The following CDH4 variants were observed in gnomAD, a reference collection of about 807,000 sequenced individuals.
The protein encoded by CDH4 is cadherin 4, also known as cadherin-4.
A neutral mutation model predicts 86.0 loss-of-function variants in CDH4; 33 were observed. That is an observed-to-expected ratio of 0.38 (90% confidence interval 0.29 to 0.51). CDH4 has a LOEUF of 0.51. Ranked by LOEUF, CDH4 falls within the 20% of genes least tolerant of loss-of-function variation. The pLI, the probability that CDH4 is intolerant of heterozygous loss-of-function variation, is 0.86. For synonymous variants in CDH4, 555 were observed against 549.4 expected (o/e 1.01, Z -0.14); for missense variants, 1,114 against 1,307.4 (o/e 0.85, Z 2.28).
At chr20:61,275,776 G>C (rs947125432) in intron 2 of CDH4, among the ~76,000 whole-genome samples, 3 of 152,060 alleles carry the variant, frequency 2.0e-5, no homozygotes, top group African/African-American at 7.3e-5. Context: ...GTGCTTTTCT[G>C]AAGGATCCTG....
intron 3 of CDH4, among the ~76,000 whole-genome samples, chr20:61,764,446 G>T (rs968621217): frequency 6.6e-6 from 1 of 152,150 alleles, no homozygotes; most frequent in Admixed American, 6.5e-5. Context: ...GAGGATGCCT[G>T]TATTTGAGAT....
chr20:61,773,135 A>G lies in CDH4; in HGVS notation c.529A>G (p.Asn177Asp). The G allele has an allele frequency of 6.2e-7, 1 of 1,606,050 alleles. No homozygotes were observed. Among genetic ancestry groups the G allele is most frequent in the Non-Finnish European group, 8.5e-7 (1 of 1,176,662 alleles). The change falls in exon 4 of 16, where the codon AAC becomes GAC. Residue 177 changes from asparagine (N) to aspartate (D), a missense_variant. Transcript: ENST00000614565. ...ACGGGACTGGGTCATCCCGCCCATCAACGTGCCCGAGAACTCGCGCGGGCC... is the reference window on the plus strand; with the variant it reads ...ACGGGACTGGGTCATCCCGCCCATCGACGTGCCCGAGAACTCGCGCGGGCC... Reference protein sequence around the residue: ...RKRDWVIPPINVPENSRGPFP... With the variant: ...RKRDWVIPPIDVPENSRGPFP...
At chr20:61,451,129 C>CCCGT (rs1555851644) in intron 2 of CDH4, among the ~76,000 whole-genome samples, 1 of 149,646 alleles carries the variant, frequency 6.7e-6, no homozygotes, top group African/African-American at 2.5e-5. Flanking sequence ...CACGCCCCCC[C>CCCGT]CCTTCCCTCC....
intron 4 of CDH4, among the ~76,000 whole-genome samples, chr20:61,799,530 A>G (rs982707610): frequency 3.3e-5 from 5 of 152,098 alleles, no homozygotes; most frequent in African/African-American, 4.8e-5. Context: ...GGTTGGCATC[A>G]CCCTTTGTGG....
At chr20:61,495,429 C>A (rs945483956) in intron 2 of CDH4, among the ~76,000 whole-genome samples, 2 of 152,142 alleles carry the variant, frequency 1.3e-5, no homozygotes, top group Non-Finnish European at 2.9e-5. Context: ...CCTGAGAGGT[C>A]GCCCAAGGCT....
chr20:61,568,958 T>TCGCTCAAGA (rs140519343), intron 2 of CDH4, among the ~76,000 whole-genome samples: 25,653 of 152,016 alleles, frequency 0.17, 2,750 homozygotes, highest in African/African-American at 0.31. Flanking sequence ...CAGTAGGTCC[T>TCGCTCAAGA]CGCTCAAGAC....
Position 61,392,096 on chromosome 20 carries a change from C to T in CDH4, c.169+137159C>T. On this transcript the variant is annotated intron_variant, in intron 2 of 15. Transcript: ENST00000614565. The surrounding 1 kb of genome is among the most constrained non-coding windows in gnomAD (Gnocchi z 5.7). ...CATCGCGGGGGCTGTGGAGAAAGGC[C>T]TAGAGAGCTTTGCAGGACCAAGTGG... 6.6e-6 allele frequency among the ~76,000 whole-genome samples: 1 copy of T among 151,932 alleles called. No individual in the cohort carries two copies. The highest frequency in any genetic ancestry group is 1.9e-4 in the East Asian group (1 of 5,172).
At chr20:61,644,667 A>T (rs1462257940) in intron 2 of CDH4, among the ~76,000 whole-genome samples, 1 of 152,206 alleles carries the variant, frequency 6.6e-6, no homozygotes, top group Non-Finnish European at 1.5e-5. Context: ...GGGCAAAGCC[A>T]GGGCCAGAGG....
intron 2 of CDH4, among the ~76,000 whole-genome samples, chr20:61,353,663 TC>T (rs2084728002): frequency 2.3e-5 from 2 of 85,512 alleles, no homozygotes; most frequent in Non-Finnish European, 4.6e-5. Flanking sequence ...CTCTTCTTCC[TC>T]CTCTTCCCCC....
chr20:61,570,066 T>G (rs1297668326), intron 2 of CDH4: 1 of 152,510 alleles, frequency 6.6e-6, no homozygotes, highest in African/African-American at 2.4e-5. Context: ...TATGGCGCCG[T>G]TACGCATGGG....
intron 2 of CDH4, among the ~76,000 whole-genome samples, chr20:61,533,287 C>T (rs977837917): frequency 2.0e-5 from 3 of 152,120 alleles, no homozygotes; most frequent in South Asian, 2.1e-4. Flanking sequence ...GCACGGCAGG[C>T]GGCTGGGCGA....
At chr20:61,527,530 A>C (rs576359090) in intron 2 of CDH4, among the ~76,000 whole-genome samples, 1 of 152,328 alleles carries the variant, frequency 6.6e-6, no homozygotes, top group South Asian at 2.1e-4. Flanking sequence ...GATTACAGAC[A>C]TGAGCCACCG....
At chr20:61,337,056 G>A (rs1410088184) in intron 2 of CDH4, among the ~76,000 whole-genome samples, 1 of 152,052 alleles carries the variant, frequency 6.6e-6, no homozygotes, top group African/African-American at 2.4e-5. Flanking sequence ...ACAGGCCTGG[G>A]TTGGAATCCT....
chr20:61,414,904 G>A (rs2085138385), intron 2 of CDH4, among the ~76,000 whole-genome samples: 1 of 152,334 alleles, frequency 6.6e-6, no homozygotes, highest in Admixed American at 6.5e-5. Flanking sequence ...GTGCCCAGGA[G>A]GAGCTGCCCC....
intron 2 of CDH4, among the ~76,000 whole-genome samples, chr20:61,633,134 G>GCATCCTC: frequency 7.1e-6 from 1 of 140,546 alleles, no homozygotes; most frequent in Non-Finnish European, 1.5e-5. Context: ...ACCCATTCAT[G>GCATCCTC]CATCCTCCCA....
At chr20:61,705,955 GCTTC>G (rs1480189425) in intron 2 of CDH4, among the ~76,000 whole-genome samples, 1 of 152,188 alleles carries the variant, frequency 6.6e-6, no homozygotes, top group East Asian at 1.9e-4. Context: ...ATTCCACGCC[GCTTC>G]CTTCTCTTAA....
At chr20:61,820,888 A>T (rs1980986612) in intron 4 of CDH4, among the ~76,000 whole-genome samples, 1 of 152,150 alleles carries the variant, frequency 6.6e-6, no homozygotes. Context: ...ACCTGGGGAA[A>T]TATGACATGC....
intron 3 of CDH4, among the ~76,000 whole-genome samples, chr20:61,756,357 G>A (rs1195858121): frequency 6.6e-6 from 1 of 152,196 alleles, no homozygotes; most frequent in African/African-American, 2.4e-5. Flanking sequence ...GGGGCCCACA[G>A]GCAGCTGTTA....
At chr20:61,263,105 C>T (rs1169911591) in intron 2 of CDH4, among the ~76,000 whole-genome samples, 1 of 152,076 alleles carries the variant, frequency 6.6e-6, no homozygotes, top group African/African-American at 2.4e-5. Context: ...AGCTTCTTTC[C>T]GTCAAGGGCG....
Sources: allele counts gnomAD v4.1 joint callset (sites outside exome capture counted in the v4.1 genomes callset), GRCh38; gene constraint gnomAD v4.1.1; non-coding constraint Gnocchi (gnomAD v3.1); transcripts MANE v1.5; gene names NCBI Gene and HGNC (gene_info 2026-07-23, HGNC 2026-07-21).